Variants in CLIC5 observed in about 807,000 individuals in gnomAD.
CLIC5 encodes CLIC family member 5, also known as chloride intracellular channel protein 5.
Under a neutral mutation model 24.7 loss-of-function variants are expected in CLIC5, and 20 were observed. The ratio of observed to expected loss-of-function variants is 0.81; its 90% CI spans 0.57 to 1.18. The LOEUF (loss-of-function observed/expected upper bound fraction) is 1.18, where lower values mean the gene tolerates loss of function less well. Ranked by LOEUF, CLIC5 falls within the 50% of genes most tolerant of loss-of-function variation. The probability of loss-of-function intolerance (pLI) is 0.00; values close to 1 mark genes in which losing one functional copy is unlikely to be tolerated. For synonymous variants in CLIC5, 159 were observed against 135.6 expected (o/e 1.17, Z -1.20); for missense variants, 341 against 326.1 (o/e 1.05, Z -0.35).
At chr6:46,099,947 C>A in the CLIC5 span, among the ~76,000 whole-genome samples, 41 of 151,890 alleles carry the variant, frequency 2.7e-4, no homozygotes, top group Non-Finnish European at 5.0e-4. Context: ...AGGAAAACTT[C>A]CAATGCCTTC....
intron 1 of CLIC5, among the ~76,000 whole-genome samples, chr6:46,065,441 A>G (rs1286920567): frequency 1.3e-5 from 2 of 152,112 alleles, no homozygotes; most frequent in African/African-American, 4.8e-5. Flanking sequence ...AATATAAAAC[A>G]TAATCAACAC....
intron 1 of CLIC5, among the ~76,000 whole-genome samples, chr6:46,035,012 G>A (rs781588975): frequency 2.0e-5 from 3 of 152,256 alleles, no homozygotes; most frequent in African/African-American, 2.4e-5. Context: ...GCATTAAATG[G>A]CACCTGATTC....
intron 5 of CLIC5, chr6:45,912,147 T>A: frequency 1.0e-6 from 1 of 986,740 alleles, no homozygotes; most frequent in Non-Finnish European, 1.2e-6. Flanking sequence ...GATTAAGTTT[T>A]GGCATCCGAA....
intron 1 of CLIC5, among the ~76,000 whole-genome samples, chr6:46,006,681 CTT>C (rs34501921): frequency 2.4e-4 from 33 of 138,858 alleles, no homozygotes; most frequent in East Asian, 2.1e-4. Flanking sequence ...CTTTTTTTTC[CTT>C]TTTTTTTTTT....
intron 1 of CLIC5, among the ~76,000 whole-genome samples, chr6:46,032,380 C>T (rs868532558): frequency 1.8e-4 from 27 of 152,302 alleles, no homozygotes; most frequent in Middle Eastern, 3.4e-3. Flanking sequence ...GGTGGTGACA[C>T]GAATCCAAAC....
At chr6:46,040,474 G>T (rs577308752) in intron 1 of CLIC5, among the ~76,000 whole-genome samples, 1 of 152,022 alleles carries the variant, frequency 6.6e-6, no homozygotes, top group Non-Finnish European at 1.5e-5. Context: ...AAGTAATGGC[G>T]CTGGCATTGT....
At chr6:46,054,748 A>T (rs1259147528) in intron 1 of CLIC5, among the ~76,000 whole-genome samples, 3 of 152,246 alleles carry the variant, frequency 2.0e-5, no homozygotes, top group African/African-American at 7.2e-5. Context: ...TTTCATTTCC[A>T]TGTGGAGATA....
chr6:46,028,079 G>C (rs1034464186), intron 1 of CLIC5, among the ~76,000 whole-genome samples: 8 of 152,184 alleles, frequency 5.3e-5, no homozygotes, highest in African/African-American at 1.9e-4. Flanking sequence ...ATGGACACAA[G>C]ACTTAATGCC....
intron 1 of CLIC5, among the ~76,000 whole-genome samples, chr6:46,005,365 A>T (rs1766512462): frequency 1.3e-5 from 2 of 152,224 alleles, no homozygotes; most frequent in African/African-American, 4.8e-5. Context: ...GATATGGGGT[A>T]ACTGGCACAA....
At position 45,957,774 on chromosome 6, in the gene CLIC5, C is replaced by G. The variant is rs1035573344; in HGVS notation, c.64-2530G>C. Among the ~76,000 whole-genome samples the G allele has an allele frequency of 7.2e-5, 11 of 152,318 alleles. No homozygotes were observed. In the East Asian group the frequency reaches 1.5e-3, roughly 21 times the overall value. ...CCCTCTTTCAGCTTCTTCTATTCCC[C>G]TTCAAATCCCAACAGCCTTGCGGCC... On this transcript the variant is annotated intron_variant, in intron 1 of 5. Coordinates refer to ENST00000339561, the MANE Select transcript of CLIC5 (RefSeq NM_016929.5).
chr6:46,122,741 A>C, the CLIC5 span, among the ~76,000 whole-genome samples: 1 of 152,208 alleles, frequency 6.6e-6, no homozygotes, highest in African/African-American at 2.4e-5. Flanking sequence ...AAAAATGATA[A>C]AGGGGATACC....
At chr6:46,028,062 T>C (rs1208288486) in intron 1 of CLIC5, among the ~76,000 whole-genome samples, 5 of 152,216 alleles carry the variant, frequency 3.3e-5, no homozygotes, top group Non-Finnish European at 7.3e-5. Flanking sequence ...GCAAAGTCAC[T>C]GCATCAATGG....
At chr6:46,084,137 C>A (rs934366705), upstream of CLIC5, among the ~76,000 whole-genome samples, 1 of 152,092 alleles carries the variant, frequency 6.6e-6, no homozygotes, top group Non-Finnish European at 1.5e-5. Context: ...GGTAGATCTT[C>A]CTCCATCCTT....
intron 5 of CLIC5, among the ~76,000 whole-genome samples, chr6:45,911,328 T>C (rs970785235): frequency 6.6e-6 from 1 of 152,188 alleles, no homozygotes; most frequent in African/African-American, 2.4e-5. Context: ...CTTAGGTAAC[T>C]ACAAGCAAGG....
intron 6 of CLIC5, among the ~76,000 whole-genome samples, chr6:45,889,130 T>A (rs1374355266): frequency 6.6e-6 from 1 of 152,206 alleles, no homozygotes; most frequent in Non-Finnish European, 1.5e-5. Flanking sequence ...GGGAGGCTTA[T>A]GAACAACAGA....
At chr6:45,882,320 A>C (rs1762270946) in intron 6 of CLIC5, among the ~76,000 whole-genome samples, 1 of 152,236 alleles carries the variant, frequency 6.6e-6, no homozygotes, top group Non-Finnish European at 1.5e-5. Context: ...CAAACATGTC[A>C]TTACCAATCT....
intron 1 of CLIC5, among the ~76,000 whole-genome samples, chr6:46,040,474 G>A (rs577308752): frequency 6.6e-5 from 10 of 152,140 alleles, no homozygotes; most frequent in African/African-American, 1.7e-4. Flanking sequence ...AAGTAATGGC[G>A]CTGGCATTGT....
Position 45,923,332 on chromosome 6 carries a change from G to A in CLIC5, c.407-8923C>T, listed in dbSNP as rs139211008. ...AACTTTATCAGTCATCCGTTCCAGC[G>A]TTTAGACCTAGAGATTTTTCTCAAT... On this transcript the variant is annotated intron_variant, in intron 4 of 5. Transcript: ENST00000339561. 7.9e-5 allele frequency among the ~76,000 whole-genome samples: 12 copies of A among 152,274 alleles called. No homozygotes were observed. The East Asian group carries it at 1.5e-3, about 20-fold the overall frequency.
At chr6:45,984,538 G>C (rs1393835551) in intron 1 of CLIC5, among the ~76,000 whole-genome samples, 1 of 152,174 alleles carries the variant, frequency 6.6e-6, no homozygotes, top group East Asian at 1.9e-4. Flanking sequence ...TTTGTTTTGA[G>C]GTTCTAGGTA....
Sources: gnomAD v4.1 joint callset for allele counts (sites outside exome capture counted in the v4.1 genomes callset) on GRCh38, gnomAD v4.1.1 for gene constraint, MANE v1.5 for transcripts, NCBI Gene and HGNC (gene_info 2026-07-23, HGNC 2026-07-21) for gene names.